The following FREM1 variants were observed in gnomAD, a reference collection of about 807,000 sequenced individuals.
FREM1 encodes FRAS1 related extracellular matrix 1.
A neutral mutation model predicts 210.1 loss-of-function variants in FREM1; 220 were observed. That is an observed-to-expected ratio of 1.05 (90% CI 0.94 to 1.17). The LOEUF is 1.17. FREM1 is among the 50% of genes most tolerant of loss of function. The pLI is 0.00. For missense variants in FREM1, 3,454 were observed against 2,675.5 expected, an observed-to-expected ratio of 1.29 and a Z score of -6.42; for synonymous variants, 1,189 against 980.2, an observed-to-expected ratio of 1.21 and a Z score of -3.98.
In FREM1 at chr9:14,824,854, A is replaced by G. The variant is rs1254633053; in HGVS notation, c.2020T>C (p.Tyr674His). The G allele has an allele frequency of 1.9e-6, 3 of 1,613,572 alleles. No homozygotes were observed. The highest frequency in any genetic ancestry group is 1.7e-6 in the Non-Finnish European group (2 of 1,179,664). Residue 674 changes from tyrosine (Y) to histidine (H), a missense_variant, in exon 11 of 37, where the codon TAT becomes CAT. By Grantham distance (83) the Tyr-to-His change is moderately conservative (BLOSUM62 2). Coordinates refer to ENST00000380880, the MANE Select transcript of FREM1 (RefSeq NM_001379081.2). Reference sequence around the variant, plus strand: ...ATTGTGTAGACCAGCTCCCTGTCATATGATTCTGAATCTATAAAATGTAGC... The same window carrying G: ...ATTGTGTAGACCAGCTCCCTGTCATGTGATTCTGAATCTATAAAATGTAGC... ...KQLHFIDSES[Y>H]DRELVYTITT... is the part of the protein sequence containing the mutation.
At position 14,772,825 on chromosome 9, in the gene FREM1, CCAG is replaced by C. The variant is rs371474766; in HGVS notation, c.4858-2022_4858-2020del. 4.1e-4 allele frequency among the ~76,000 whole-genome samples: 62 copies of C among 152,196 alleles called. 2 individuals carry two copies. The South Asian group carries it at 7.7e-3, about 19-fold the overall frequency. ...TACTTCTAAGCCATATAAGAAATAC[CCAG>C]AGTTGATACTAAATGAATAGTTGAA... On this transcript the variant is annotated intron_variant, in intron 25 of 36. Coordinates refer to ENST00000380880, the MANE Select transcript of FREM1 (RefSeq NM_001379081.2).
intron 24 of FREM1, chr9:14,779,381 A>G (rs1849272767): frequency 2.2e-6 from 1 of 460,764 alleles, no homozygotes. Context: ...CACTATTAAA[A>G]GTATGTCAAA....
At chr9:14,876,277 A>G (rs1195927659) in intron 1 of FREM1, among the ~76,000 whole-genome samples, 1 of 152,192 alleles carries the variant, frequency 6.6e-6, no homozygotes, top group Non-Finnish European at 1.5e-5. Context: ...CCCTGCCCCC[A>G]GAGGTGGAGC....
At chr9:14,848,431 G>A (rs1173605925) in intron 7 of FREM1, among the ~76,000 whole-genome samples, 4 of 151,922 alleles carry the variant, frequency 2.6e-5, no homozygotes, top group African/African-American at 4.8e-5. Context: ...TCTTATCTCC[G>A]GCAGAGGAAA....
intron 1 of FREM1, among the ~76,000 whole-genome samples, chr9:14,901,840 G>A (rs1838839872): frequency 6.6e-6 from 1 of 152,030 alleles, no homozygotes; most frequent in Non-Finnish European, 1.5e-5. Flanking sequence ...TTATGGGGTT[G>A]TGAAGATAGT....
intron 21 of FREM1, 112 bp downstream of exon 21, chr9:14,797,386 G>T: frequency 1.3e-6 from 1 of 757,744 alleles, no homozygotes; most frequent in Non-Finnish European, 2.0e-6. Flanking sequence ...AGCTGTGACA[G>T]GAGCTAGCGA....
chr9:14,867,508 T>C (rs1056549323), intron 2 of FREM1, among the ~76,000 whole-genome samples: 7 of 152,190 alleles, frequency 4.6e-5, no homozygotes, highest in African/African-American at 1.7e-4. Flanking sequence ...TACTACCACA[T>C]CAGAAATACC....
chr9:14,861,046 C>CACATATATATAAACATATATACACATAT (rs1238042815), intron 3 of FREM1, among the ~76,000 whole-genome samples: 1 of 75,146 alleles, frequency 1.3e-5, no homozygotes, highest in Non-Finnish European at 2.2e-5. Context: ...TACATATATA[C>CACATATATATAAACATATATACACATAT]ATATATACAT....
chr9:14,755,445 C>T (rs974693846), intron 29 of FREM1, among the ~76,000 whole-genome samples: 2 of 152,164 alleles, frequency 1.3e-5, no homozygotes, highest in African/African-American at 2.4e-5. Context: ...AAGCACAAAG[C>T]CACAGTCCTG....
chr9:14,825,029 C>G (rs1186043535), intron 10 of FREM1, 37 bp from the exon 11 acceptor site: 7 of 1,444,276 alleles, frequency 4.8e-6, no homozygotes, highest in Non-Finnish European at 6.6e-6. Context: ...ATTTGAAATA[C>G]CAAAAAAACA....
At chr9:14,896,512 T>C (rs1588645952) in intron 1 of FREM1, among the ~76,000 whole-genome samples, 1 of 128,632 alleles carries the variant, frequency 7.8e-6, no homozygotes, top group Admixed American at 9.7e-5. Flanking sequence ...ACCACTGCAC[T>C]CCAGCCTGGG....
chr9:14,832,543 T>C (rs1227081394), intron 10 of FREM1, among the ~76,000 whole-genome samples: 1 of 152,214 alleles, frequency 6.6e-6, no homozygotes, highest in African/African-American at 2.4e-5. Flanking sequence ...CCTAATTGAA[T>C]TCCTTTCTAC....
Position 14,813,166 on chromosome 9 carries a change from C to T in FREM1, c.2641-102G>A, listed in dbSNP as rs184398986. On this transcript the variant is annotated intron_variant, in intron 15 of 36. Transcript: ENST00000380880. ...TAGTCAGAATGACAGGCATTTTCAT[C>T]TTACAGACACATGAAACAACAGCCG... is the stretch of plus-strand genomic sequence containing the variant. The T allele has an allele frequency of 1.1e-4, 142 of 1,238,154 alleles. 3 individuals carry two copies. In the South Asian group the frequency reaches 2.1e-3, roughly 18 times the overall value. 76.7% of individuals were successfully genotyped at this position (1,238,154 alleles called of 1,614,324 possible).
chr9:14,824,148 A>C (rs764903778), intron 11 of FREM1, 33 bp from the exon 12 acceptor site: 13 of 1,358,724 alleles, frequency 9.6e-6, no homozygotes, highest in Middle Eastern at 1.8e-4. Context: ...ACATCAGCTC[A>C]TTTTTAGGTA....
intron 1 of FREM1, among the ~76,000 whole-genome samples, chr9:14,877,630 C>G (rs918530977): frequency 4.6e-5 from 7 of 152,038 alleles, no homozygotes; most frequent in Admixed American, 3.3e-4. Context: ...CAGACTGGAA[C>G]CAGGGGCTCT....
At chr9:14,825,488 C>CAAAAAA (rs137921355) in intron 10 of FREM1, among the ~76,000 whole-genome samples, 2 of 68,916 alleles carry the variant, frequency 2.9e-5, no homozygotes, top group Non-Finnish European at 5.5e-5. Context: ...GACTCCATTT[C>CAAAAAA]AAAAAAAAAA....
Position 14,784,354 on chromosome 9 carries a change from T to C in FREM1, c.4442+16A>G, listed in dbSNP as rs1309024551. 1.9e-6 allele frequency: 3 copies of C among 1,606,364 alleles called. No individual in the cohort carries two copies. Among genetic ancestry groups the C allele is most frequent in the African/African-American group, 1.3e-5 (1 of 74,880 alleles). ...TAATCCAAAGAAGGGGTTTGAAAAG[T>C]TTCCATGGGGCTCACCTGAATCTGT... On this transcript the variant is annotated intron_variant, in intron 24 of 36. Transcript: ENST00000380880.
rs1161649274 is a variant in FREM1, at chr9:14,860,908, TACAC to T, written c.330-1428_330-1425del. On this transcript the variant is annotated intron_variant, in intron 3 of 36. Transcript: ENST00000380880. The stretch of plus-strand genomic sequence containing the variant: ...ACACATATATACATATATACACATA[TACAC>T]ATATACACATATATACACATATACA... Among the ~76,000 whole-genome samples the T allele has an allele frequency of 4.4e-5, 5 of 113,828 alleles. 1 individual carries two copies. Among genetic ancestry groups the T allele is most frequent in the African/African-American group, 1.3e-4 (3 of 23,454 alleles). The allele number at this position is 113,828 out of a possible 152,430, so 74.7% of individuals were successfully genotyped here.
chr9:14,854,436 T>C (rs1828348062), intron 5 of FREM1, among the ~76,000 whole-genome samples: 3 of 152,064 alleles, frequency 2.0e-5, no homozygotes, highest in South Asian at 4.1e-4. Flanking sequence ...AAAAGGGTGA[T>C]ACAAATTGAT....
Sources: allele counts gnomAD v4.1 joint callset (sites outside exome capture counted in the v4.1 genomes callset), GRCh38; gene constraint gnomAD v4.1.1; transcripts MANE v1.5; gene names NCBI Gene and HGNC (gene_info 2026-07-23, HGNC 2026-07-21).